Variants in LINC00305 observed in about 807,000 individuals in gnomAD.
The protein encoded by LINC00305 is long intergenic non-protein coding RNA 305.
intron 3 of LINC00305, among the ~76,000 whole-genome samples, chr18:64,080,555 A>T (rs1436034826): frequency 6.6e-6 from 1 of 152,220 alleles, no homozygotes. Flanking sequence ...TTCTAAAAAT[A>T]ATTGAATAAA....
chr18:64,143,867 C>T (rs1312839115), intron 1 of LINC00305, among the ~76,000 whole-genome samples: 1 of 149,512 alleles, frequency 6.7e-6, no homozygotes, highest in Non-Finnish European at 1.5e-5. Flanking sequence ...TACATACATA[C>T]ATATATGTAT....
chr18:64,095,228 T>C (rs1294003048), intron 3 of LINC00305, among the ~76,000 whole-genome samples: 1 of 152,102 alleles, frequency 6.6e-6, no homozygotes, highest in Non-Finnish European at 1.5e-5. Context: ...TCCTACTCTA[T>C]TTACAGGCAA....
intron 1 of LINC00305, among the ~76,000 whole-genome samples, chr18:64,135,124 G>A (rs534757771): frequency 5.5e-4 from 84 of 152,232 alleles, no homozygotes; most frequent in Non-Finnish European, 9.9e-4. Flanking sequence ...TGGCTGTCTT[G>A]TCCTTGTGTC....
chr18:64,095,255 G>A (rs1365698573), intron 3 of LINC00305, among the ~76,000 whole-genome samples: 1 of 152,152 alleles, frequency 6.6e-6, no homozygotes, highest in African/African-American at 2.4e-5. Context: ...GGCTAGGAGA[G>A]ACCTCTCCTC....
intron 3 of LINC00305, among the ~76,000 whole-genome samples, chr18:64,082,898 G>C (rs769225305): frequency 6.6e-6 from 1 of 150,888 alleles, no homozygotes; most frequent in Admixed American, 6.6e-5. Flanking sequence ...TAAAATTCTT[G>C]TTTCTAAAAT....
chr18:64,085,590 G>A (rs1317922449), intron 3 of LINC00305, among the ~76,000 whole-genome samples: 1 of 152,012 alleles, frequency 6.6e-6, no homozygotes, highest in Non-Finnish European at 1.5e-5. Flanking sequence ...AGCCTCCCAA[G>A]TAGCTGGGAC....
intron 1 of LINC00305, among the ~76,000 whole-genome samples, chr18:64,130,443 C>T (rs972268323): frequency 1.3e-5 from 2 of 152,140 alleles, no homozygotes; most frequent in Non-Finnish European, 2.9e-5. Flanking sequence ...TCCACCTGTT[C>T]TACCTTTTCA....
At position 64,097,984 on chromosome 18, in the gene LINC00305, C is replaced by T. The variant is rs1411800888; in HGVS notation, n.390G>A. 1.1e-5 allele frequency: 5 copies of T among 457,782 alleles called. No individual in the cohort carries two copies. The East Asian group carries it at 3.5e-4, about 32-fold the overall frequency. 28.4% of individuals were successfully genotyped at this position (457,782 alleles called of 1,614,324 possible). A position where few individuals can be genotyped will look rare whatever the true frequency, so the allele number is the denominator to read the frequency against. ...TTTCCCTTTTCATCTTTGCAGGTCG[C>T]AGAGATGGCTACTGAGATAAGGGAC... On this transcript the variant is annotated non_coding_transcript_exon_variant, in exon 3 of 4. Coordinates refer to ENST00000666468, the Ensembl canonical transcript of LINC00305.
chr18:64,103,627 T>C (rs1369768435), intron 1 of LINC00305, among the ~76,000 whole-genome samples: 2 of 152,226 alleles, frequency 1.3e-5, no homozygotes, highest in Non-Finnish European at 2.9e-5. Flanking sequence ...CTTACCCTAC[T>C]TTCTCTCTTC....
At chr18:64,106,346 T>C (rs1432763031) in intron 1 of LINC00305, among the ~76,000 whole-genome samples, 1 of 152,132 alleles carries the variant, frequency 6.6e-6, no homozygotes, top group African/African-American at 2.4e-5. Flanking sequence ...GTGCCTACGC[T>C]CTGGCTTTCC....
intron 1 of LINC00305, among the ~76,000 whole-genome samples, chr18:64,124,843 T>A (rs1652778740): frequency 6.6e-6 from 1 of 152,110 alleles, no homozygotes; most frequent in Admixed American, 6.6e-5. Context: ...AGAGATTAAA[T>A]AAACTGTCTA....
chr18:64,088,952 A>T (rs1453889861), intron 3 of LINC00305, among the ~76,000 whole-genome samples: 1 of 152,178 alleles, frequency 6.6e-6, no homozygotes, highest in African/African-American at 2.4e-5. Flanking sequence ...GCTGGGGCAC[A>T]AGGGGAATAT....
intron 3 of LINC00305, among the ~76,000 whole-genome samples, chr18:64,083,622 A>C (rs778960122): frequency 6.6e-6 from 1 of 152,190 alleles, no homozygotes; most frequent in African/African-American, 2.4e-5. Flanking sequence ...TGACGTGCAC[A>C]TGGGAACTCA....
chr18:64,141,052 TAAAAAAAAAAAAAA>T (rs34175314), intron 1 of LINC00305, among the ~76,000 whole-genome samples: 1 of 96,332 alleles, frequency 1.0e-5, no homozygotes, highest in Non-Finnish European at 1.9e-5. Flanking sequence ...GCCTGAATGA[TAAAAAAAAAAAAAA>T]AAAAAAAAAA....
chr18:64,118,365 T>C (rs2051347019), intron 1 of LINC00305, among the ~76,000 whole-genome samples: 2 of 152,320 alleles, frequency 1.3e-5, no homozygotes, highest in South Asian at 2.1e-4. Context: ...AGGTAGTACC[T>C]ACTCTTTTGT....
chr18:64,087,106 A>T (rs1307054786), intron 3 of LINC00305, among the ~76,000 whole-genome samples: 1 of 152,240 alleles, frequency 6.6e-6, no homozygotes, highest in Non-Finnish European at 1.5e-5. Flanking sequence ...CAATATTAGG[A>T]AATAATTATT....
intron 1 of LINC00305, among the ~76,000 whole-genome samples, chr18:64,138,203 A>G (rs922168938): frequency 1.3e-5 from 2 of 152,166 alleles, no homozygotes; most frequent in Admixed American, 1.3e-4. Flanking sequence ...TGAGGAAAGA[A>G]ATGGAAAATT....
chr18:64,139,282 T>A (rs1418123470), intron 1 of LINC00305, among the ~76,000 whole-genome samples: 1 of 152,236 alleles, frequency 6.6e-6, no homozygotes, highest in Non-Finnish European at 1.5e-5. Flanking sequence ...CACACTGCTG[T>A]GCCTATTCAC....
chr18:64,114,967 C>T (rs767208636), intron 1 of LINC00305, among the ~76,000 whole-genome samples: 19 of 152,222 alleles, frequency 1.2e-4, no homozygotes, highest in Non-Finnish European at 2.8e-4. Flanking sequence ...AGCTTCTACA[C>T]ACCCTTCTCC....
Sources: allele counts gnomAD v4.1 joint callset (sites outside exome capture counted in the v4.1 genomes callset), GRCh38; gene constraint gnomAD v4.1.1; transcripts MANE v1.5; gene names NCBI Gene and HGNC (gene_info 2026-07-23, HGNC 2026-07-21).